The following SS18L1 variants were observed in gnomAD, a reference collection of about 807,000 sequenced individuals.
SS18L1 encodes calcium-responsive transactivator.
SS18L1 carries 32 observed loss-of-function variants against 70.3 expected under a neutral mutation model. The ratio of observed to expected loss-of-function variants is 0.46; its 90% CI spans 0.34 to 0.61. SS18L1 has a LOEUF of 0.61. Among genes scored for constraint, SS18L1 ranks in the 20% least tolerant of loss-of-function variants. The pLI is 0.01. For synonymous variants in SS18L1, 237 were observed against 229.7 expected, an observed-to-expected ratio of 1.03 and a Z score of -0.29; for missense variants, 430 against 542.1, an observed-to-expected ratio of 0.79 and a Z score of 2.05.
At chr20:62,145,977 C>T (rs1257430767) in intron 1 of SS18L1, among the ~76,000 whole-genome samples, 2 of 148,822 alleles carry the variant, frequency 1.3e-5, no homozygotes, top group Non-Finnish European at 2.9e-5. Flanking sequence ...AAGTCTACAA[C>T]TTGTCCTTAC....
At chr20:62,150,291 G>A (rs1014091043) in intron 1 of SS18L1, among the ~76,000 whole-genome samples, 1 of 152,260 alleles carries the variant, frequency 6.6e-6, no homozygotes, top group Non-Finnish European at 1.5e-5. Context: ...GGGCAGGGAC[G>A]GAGCAGCTCA....
chr20:62,158,992 A>T lies in SS18L1; in HGVS notation c.146+244A>T, dbSNP rs778645445. On this transcript the variant is annotated intron_variant, in intron 2 of 10. Coordinates refer to ENST00000331758, the MANE Select transcript of SS18L1 (RefSeq NM_198935.3). This position sits in a 1 kb window ranked among gnomAD's most constrained non-coding sequence, Gnocchi z 4.5. ...CAGCACGGAGGCCAGATATGTCCCG[A>T]GAGTCCCCCAGCACGGAGGCCAGAT... 1 of 1,531,536 alleles carries T rather than the reference A, an allele frequency of 6.5e-7. No homozygotes were observed. Among genetic ancestry groups the T allele is most frequent in the South Asian group, 1.1e-5 (1 of 89,112 alleles). The allele number at this position is 1,531,536 out of a possible 1,614,324, so 94.9% of individuals were successfully genotyped here. A position where few individuals can be genotyped will look rare whatever the true frequency, so the allele number is the denominator to read the frequency against.
At chr20:62,179,152 G>A (rs1033580977) in intron 10 of SS18L1, 30 bp from the exon 11 acceptor site, 1 of 1,613,512 alleles carries the variant, frequency 6.2e-7, no homozygotes, top group African/African-American at 1.3e-5. Context: ...ATTACTATAG[G>A]GGTGTAATCT....
At chr20:62,163,728 G>A in intron 6 of SS18L1, 106 bp downstream of exon 6, 1 of 1,398,364 alleles carries the variant, frequency 7.2e-7, no homozygotes, top group East Asian at 2.5e-5. Context: ...GTGAGGCGGG[G>A]AGCCTGGGGG....
rs756847096 is a variant in SS18L1 at position 62,179,236 on chromosome 20, G to A, written c.*28G>A. On this transcript the variant is annotated 3_prime_UTR_variant, in exon 11 of 11. Coordinates refer to ENST00000331758, the MANE Select transcript of SS18L1 (RefSeq NM_198935.3). Reference sequence around the variant, plus strand: ...GACACACATTCTGGCTGGAGCCCTTGTGGTAGCGTGTTCATCCAGGGGCCG... The same window carrying A: ...GACACACATTCTGGCTGGAGCCCTTATGGTAGCGTGTTCATCCAGGGGCCG... 6.2e-6 allele frequency: 10 copies of A among 1,613,976 alleles called. No homozygotes were observed. Among genetic ancestry groups the A allele is most frequent in the Middle Eastern group, 1.6e-4 (1 of 6,084 alleles).
chr20:62,165,411 G>T lies in SS18L1; in HGVS notation c.824-11G>T. The stretch of plus-strand genomic sequence containing the variant: ...GCCTCCGCTGACTGTCGCCGTCTCC[G>T]TTTCGCACAGGCCATGGCGATTACG... On this transcript the variant is annotated splice_polypyrimidine_tract_variant and intron_variant, in intron 7 of 10. Transcript: ENST00000331758. 1 of 1,609,334 alleles carries T rather than the reference G, an allele frequency of 6.2e-7. No homozygotes were observed. Among genetic ancestry groups the T allele is most frequent in the Non-Finnish European group, 8.5e-7 (1 of 1,178,706 alleles).
chr20:62,178,082 G>GT (rs1286771126), intron 10 of SS18L1, among the ~76,000 whole-genome samples: 2 of 147,960 alleles, frequency 1.4e-5, no homozygotes, highest in Non-Finnish European at 3.0e-5. Context: ...TGCATTGGCA[G>GT]GAACATGGCT....
intron 5 of SS18L1, 135 bp from the exon 6 acceptor site, chr20:62,163,323 C>A: frequency 7.7e-7 from 1 of 1,306,136 alleles, no homozygotes. Flanking sequence ...GCGTGCCTTG[C>A]GGTGGAGGAC....
intron 7 of SS18L1, 32 bp from the exon 8 acceptor site, chr20:62,165,390 C>G (rs1199528209): frequency 6.3e-7 from 1 of 1,594,782 alleles, no homozygotes; most frequent in Non-Finnish European, 8.5e-7. Context: ...TGCACAGCCT[C>G]CGCTGACTGT....
chr20:62,146,605 A>ATTTTTTTTTTTTTTTTTTTTTTTTTTTT (rs10673768), intron 1 of SS18L1, among the ~76,000 whole-genome samples: 2 of 79,714 alleles, frequency 2.5e-5, no homozygotes, highest in African/African-American at 5.2e-5. Flanking sequence ...TGCTTTGATC[A>ATTTTTTTTTTTTTTTTTTTTTTTTTTTT]TTTTTTTTTT....
intron 8 of SS18L1, among the ~76,000 whole-genome samples, chr20:62,169,440 A>T (rs773075289): frequency 3.3e-5 from 5 of 152,182 alleles, no homozygotes; most frequent in Non-Finnish European, 7.3e-5. Flanking sequence ...GTCTGTATGT[A>T]CCTTTGAATC....
intron 1 of SS18L1, chr20:62,154,400 G>A (rs1006202449): frequency 1.3e-5 from 14 of 1,047,362 alleles, no homozygotes; most frequent in African/African-American, 6.7e-5. Context: ...CGGTTTCGGC[G>A]GACTAGAATT....
intron 1 of SS18L1, among the ~76,000 whole-genome samples, chr20:62,149,588 CT>C (rs2057091801): frequency 6.6e-6 from 1 of 152,244 alleles, no homozygotes; most frequent in Non-Finnish European, 1.5e-5. Flanking sequence ...CATTCTTATC[CT>C]GCTGATGGTG....
rs2057714787 is a variant in SS18L1, at chr20:62,181,820, G to C, written c.*2612G>C. 4.4e-6 allele frequency: 1 copy of C among 227,542 alleles called. No homozygotes were observed. Among genetic ancestry groups the C allele is most frequent in the East Asian group, 6.3e-5 (1 of 15,760 alleles). The allele number at this position is 227,542 out of a possible 1,614,324, so 14.1% of individuals were successfully genotyped here. On this transcript the variant is annotated 3_prime_UTR_variant, in exon 11 of 11. Coordinates refer to ENST00000331758, the MANE Select transcript of SS18L1 (RefSeq NM_198935.3). ...TAGGCCAACATGAATTGTTTGTGAA[G>C]TGTGGTTGATGGTGCTTTGTTTTTT...
Position 62,181,426 on chromosome 20 carries a change from A to AT in SS18L1, c.*2218_*2219insT, listed in dbSNP as rs1386154335. On this transcript the variant is annotated 3_prime_UTR_variant, in exon 11 of 11. Transcript: ENST00000331758. ...TGTTAAACATTTTAGATAACTGTGA[A>AT]GATAGTTTATTTTTATTCCTTGCCA... is the stretch of plus-strand genomic sequence containing the variant. The AT allele has an allele frequency of 4.8e-6, 1 of 208,140 alleles. No homozygotes were observed. Among genetic ancestry groups the AT allele is most frequent in the African/African-American group, 2.3e-5 (1 of 43,866 alleles). The allele number at this position is 208,140 out of a possible 1,614,324, so 12.9% of individuals were successfully genotyped here.
rs1369934825 is a variant in SS18L1, at chr20:62,158,840, GAGATC to G, written c.146+97_146+101del. The stretch of plus-strand genomic sequence containing the variant: ...TACGTCCCAAGAGTCCCCCAGCACA[GAGATC>G]AGATAAGTCCCAGGAGTCCCCAGCA... On this transcript the variant is annotated intron_variant, in intron 2 of 10. Coordinates refer to ENST00000331758, the MANE Select transcript of SS18L1 (RefSeq NM_198935.3). This position sits in a 1 kb window ranked among gnomAD's most constrained non-coding sequence, Gnocchi z 4.5. 1 of 1,611,278 alleles carries G rather than the reference GAGATC, an allele frequency of 6.2e-7. No homozygotes were observed. The highest frequency in any genetic ancestry group is 1.3e-5 in the African/African-American group (1 of 74,998).
chr20:62,172,564 G>C, intron 8 of SS18L1, 118 bp from the exon 9 acceptor site: 1 of 1,453,974 alleles, frequency 6.9e-7, no homozygotes, highest in Non-Finnish European at 9.5e-7. Flanking sequence ...AAATAAACAT[G>C]CCGAAGCAAT....
In SS18L1 at chr20:62,163,473, A is replaced by C; in HGVS notation, c.572A>C (p.Gln191Pro). 6.2e-7 allele frequency: 1 copy of C among 1,612,314 alleles called. No individual in the cohort carries two copies. The highest frequency in any genetic ancestry group is 1.1e-5 in the South Asian group (1 of 91,064). Residue 191 changes from glutamine (Q) to proline (P), a missense_variant, in exon 6 of 11, where the codon CAG (glutamine) becomes CCG (proline). Coordinates refer to ENST00000331758, the MANE Select transcript of SS18L1 (RefSeq NM_198935.3). The part of the protein sequence containing the change: ...MQSNPVSMMQ[Q>P]QAATSHYSSA... ...TGTCGTTCAGTCTCCATGATGCAGCAGCAGGCGGCCACGTCGCACTACAGC... is the reference window on the plus strand; with the variant it reads ...TGTCGTTCAGTCTCCATGATGCAGCCGCAGGCGGCCACGTCGCACTACAGC...
chr20:62,157,937 C>T (rs2057252740), intron 1 of SS18L1, among the ~76,000 whole-genome samples: 1 of 152,188 alleles, frequency 6.6e-6, no homozygotes, highest in Admixed American at 6.5e-5. Context: ...AGACCCTTTC[C>T]TTCCCTCCCT....
Sources: gnomAD v4.1 joint callset for allele counts (sites outside exome capture counted in the v4.1 genomes callset) on GRCh38, gnomAD v4.1.1 for gene constraint, Gnocchi (gnomAD v3.1) non-coding constraint, MANE v1.5 for transcripts, NCBI Gene and HGNC (gene_info 2026-07-23, HGNC 2026-07-21) for gene names.